Variants in CFHR5 observed in about 807,000 individuals in gnomAD.
The protein encoded by CFHR5 is complement factor H-related protein 5.
In CFHR5, 73 loss-of-function variants were observed where a neutral mutation model predicts 62.9. That is an observed-to-expected ratio of 1.16 (90% CI 0.96 to 1.41). The LOEUF (loss-of-function observed/expected upper bound fraction) is 1.41, where lower values mean the gene tolerates loss of function less well. Among genes scored for constraint, CFHR5 ranks in the 40% most tolerant of loss-of-function variants. The pLI is 0.00. For synonymous variants in CFHR5, 249 were observed against 227.2 expected, an observed-to-expected ratio of 1.10 and a Z score of -0.86; for missense variants, 779 against 679.9, an observed-to-expected ratio of 1.15 and a Z score of -1.62.
rs1194322577 is a variant in CFHR5 at position 196,982,869 on chromosome 1, G to C, written c.59-16G>C. 2 of 1,603,370 alleles carry C rather than the reference G, an allele frequency of 1.2e-6. No individual in the cohort carries two copies. The highest frequency in any genetic ancestry group is 1.7e-6 in the Non-Finnish European group (2 of 1,170,646). On this transcript the variant is annotated splice_polypyrimidine_tract_variant and intron_variant, in intron 1 of 9. Transcript: ENST00000256785. The stretch of plus-strand genomic sequence containing the variant: ...GCTCTTTATTTAATTCTTCAGTTTT[G>C]TGTTATTTTTCCCAGGAACACTTTG...
intron 4 of CFHR5, among the ~76,000 whole-genome samples, chr1:196,994,842 G>A (rs866652784): frequency 6.6e-6 from 1 of 152,122 alleles, no homozygotes; most frequent in East Asian, 1.9e-4. Flanking sequence ...AAGGTGAAAG[G>A]CACATCTCGA....
chr1:196,994,161 T>G lies in CFHR5; in HGVS notation c.512T>G (p.Leu171Trp). The change falls in exon 4 of 10, where the codon TTG (leucine) becomes TGG (tryptophan). Residue 171 changes from leucine to tryptophan, a missense_variant. Physicochemically the swap from Leu to Trp is moderately conservative, Grantham distance 61 (BLOSUM62 -2). Coordinates refer to ENST00000256785, the MANE Select transcript of CFHR5 (RefSeq NM_030787.4). The stretch of plus-strand genomic sequence containing the variant: ...GAAAGCTACAAAGTTGGAGACGTGT[T>G]GAAATTCTCCTGCAGAAAAAATCTT... ...KKESYKVGDV[L>W]KFSCRKNLIR... 6.2e-7 allele frequency: 1 copy of G among 1,613,596 alleles called. No individual in the cohort carries two copies.
rs966056982 is a variant in CFHR5 at position 196,980,287 on chromosome 1, TAAC to T, written c.58+2569_58+2571del. On this transcript the variant is annotated intron_variant, in intron 1 of 9. Coordinates refer to ENST00000256785, the MANE Select transcript of CFHR5 (RefSeq NM_030787.4). ...GAAGAAGTGAACTATAAAATAATGATAACAACTATAGTACATTAAATACATTAA... is the reference window on the plus strand; with the variant it reads ...GAAGAAGTGAACTATAAAATAATGATAACTATAGTACATTAAATACATTAA... 2.3e-4 allele frequency among the ~76,000 whole-genome samples: 35 copies of T among 152,286 alleles called. 1 individual carries two copies. Among genetic ancestry groups the T allele is most frequent in the African/African-American group, 7.2e-4 (30 of 41,580 alleles).
rs78689780 is a variant in CFHR5 at position 196,993,748 on chromosome 1, C to T, written c.431-332C>T. 2.6e-5 allele frequency among the ~76,000 whole-genome samples: 4 copies of T among 152,102 alleles called. No individual in the cohort carries two copies. The East Asian group carries it at 7.7e-4, about 29-fold the overall frequency. On this transcript the variant is annotated intron_variant, in intron 3 of 9. Coordinates refer to ENST00000256785, the MANE Select transcript of CFHR5 (RefSeq NM_030787.4). ...ATTATAAACAAATAATGTTATTAAA[C>T]TTATTTATTAAACAATAAAATTAGA...
intron 4 of CFHR5, among the ~76,000 whole-genome samples, chr1:196,994,513 C>G (rs1452151861): frequency 6.6e-6 from 1 of 152,014 alleles, no homozygotes; most frequent in Non-Finnish European, 1.5e-5. Context: ...ATTGAGACGT[C>G]TTAGGATTTT....
chr1:196,981,922 G>T (rs943902301), intron 1 of CFHR5, among the ~76,000 whole-genome samples: 1 of 148,584 alleles, frequency 6.7e-6, no homozygotes. Context: ...AGATATTTTG[G>T]ACTTGCAGTA....
At chr1:196,989,452 T>C (rs982996949) in intron 3 of CFHR5, among the ~76,000 whole-genome samples, 2 of 152,160 alleles carry the variant, frequency 1.3e-5, no homozygotes, top group South Asian at 2.1e-4. Context: ...GTTCTTTCAA[T>C]TGTGATCTTA....
chr1:196,993,364 G>A (rs999838576), intron 3 of CFHR5, among the ~76,000 whole-genome samples: 10 of 151,924 alleles, frequency 6.6e-5, no homozygotes, highest in African/African-American at 1.5e-4. Flanking sequence ...GTGCGATCTC[G>A]GCTCACTGCA....
chr1:196,995,752 T>C lies in CFHR5; in HGVS notation c.643T>C (p.Ser215Pro), dbSNP rs368406112. ...ATCATGTGGTCCACCTCCTCAACTCTCCAATGGTGAAGTTAAGGAGATAAG... is the reference window on the plus strand; with the variant it reads ...ATCATGTGGTCCACCTCCTCAACTCCCCAATGGTGAAGTTAAGGAGATAAG... ...VRSCGPPPQL[S>P]NGEVKEIRKE... Residue 215 changes from serine to proline, a missense_variant, in exon 5 of 10, where the codon TCC (serine) becomes CCC (proline). Coordinates refer to ENST00000256785, the MANE Select transcript of CFHR5 (RefSeq NM_030787.4). 1.1e-4 allele frequency: 177 copies of C among 1,613,026 alleles called. 2 individuals carry two copies. The South Asian group carries it at 1.8e-3, about 16-fold the overall frequency.
At chr1:196,983,730 AT>A (rs1415794981) in intron 2 of CFHR5, among the ~76,000 whole-genome samples, 1 of 152,140 alleles carries the variant, frequency 6.6e-6, no homozygotes, top group East Asian at 1.9e-4. Context: ...TAAACACAAG[AT>A]TTTTATTATA....
chr1:196,985,561 A>T (rs1353679414), intron 3 of CFHR5, among the ~76,000 whole-genome samples: 1 of 152,116 alleles, frequency 6.6e-6, no homozygotes, highest in Non-Finnish European at 1.5e-5. Flanking sequence ...TTCAAAATGT[A>T]TAGGCTTCAG....
At chr1:196,976,162 T>C (rs1195953622), upstream of CFHR5, among the ~76,000 whole-genome samples, 2 of 152,180 alleles carry the variant, frequency 1.3e-5, no homozygotes, top group African/African-American at 4.8e-5. Flanking sequence ...AGACTACTAA[T>C]AGCTCACAGG....
chr1:196,986,552 T>A (rs1217879082), intron 3 of CFHR5, among the ~76,000 whole-genome samples: 1 of 152,072 alleles, frequency 6.6e-6, no homozygotes, highest in African/African-American at 2.4e-5. Flanking sequence ...CAGTGTGTGA[T>A]GTTCCCCACC....
chr1:196,977,980 G>A (rs993213610), intron 1 of CFHR5, among the ~76,000 whole-genome samples: 4 of 152,080 alleles, frequency 2.6e-5, no homozygotes, highest in Non-Finnish European at 5.9e-5. Flanking sequence ...AGAAATCAAA[G>A]GAGAGAAAAT....
chr1:196,999,364 C>T (rs549969163), intron 7 of CFHR5, among the ~76,000 whole-genome samples: 3 of 151,614 alleles, frequency 2.0e-5, no homozygotes, highest in Admixed American at 2.0e-4. Context: ...TTTATGTGTC[C>T]ATGAAATGTT....
At chr1:196,994,629 T>A (rs1053716529) in intron 4 of CFHR5, among the ~76,000 whole-genome samples, 5 of 152,224 alleles carry the variant, frequency 3.3e-5, no homozygotes, top group Admixed American at 3.3e-4. Context: ...TACGAATTAT[T>A]CATTAGAAAA....
At chr1:196,982,598 A>T (rs2125026439) in intron 1 of CFHR5, among the ~76,000 whole-genome samples, 1 of 152,088 alleles carries the variant, frequency 6.6e-6, no homozygotes, top group East Asian at 1.9e-4. Flanking sequence ...ACTTGAACCC[A>T]GTGGAGGCTG....
rs1654379361 is a variant in CFHR5, at chr1:197,009,429, C to T, written c.*746C>T. The T allele has an allele frequency of 6.6e-6, 1 of 152,054 alleles. No individual in the cohort carries two copies. Among genetic ancestry groups the T allele is most frequent in the South Asian group, 2.1e-4 (1 of 4,830 alleles). The allele number at this position is 152,054 out of a possible 1,614,324, so 9.4% of individuals were successfully genotyped here. On this transcript the variant is annotated 3_prime_UTR_variant, in exon 10 of 10. Transcript: ENST00000256785. The stretch of plus-strand genomic sequence containing the variant: ...GCTTCAGTACTTAATTCATCTAATC[C>T]CTCCTGTTTGTCTCAAATTATAGGA...
upstream of CFHR5, among the ~76,000 whole-genome samples, chr1:196,976,317 A>C: frequency 6.6e-6 from 1 of 152,142 alleles, no homozygotes; most frequent in East Asian, 1.9e-4. Context: ...CAGGCTGGGC[A>C]CTTTGTTGCT....
Sources: gnomAD v4.1 joint callset for allele counts (sites outside exome capture counted in the v4.1 genomes callset) on GRCh38, gnomAD v4.1.1 for gene constraint, MANE v1.5 for transcripts, NCBI Gene and HGNC (gene_info 2026-07-23, HGNC 2026-07-21) for gene names.